Variants in GABRA3 observed in about 807,000 individuals in gnomAD.
GABRA3 encodes gamma-aminobutyric acid type A receptor subunit alpha3.
Under a neutral mutation model 30.1 loss-of-function variants are expected in GABRA3, and 10 were observed. The ratio of observed to expected loss-of-function variants is 0.33; its 90% CI spans 0.20 to 0.56. The LOEUF is 0.56. Among genes scored for constraint, GABRA3 ranks in the 20% least tolerant of loss-of-function variants. GABRA3 has a pLI of 0.89. For missense variants in GABRA3, 233 were observed against 392.0 expected (o/e 0.59, Z 3.42); for synonymous variants, 151 against 146.8 (o/e 1.03, Z -0.21).
Position 152,402,653 on chromosome X carries a change from T to G in GABRA3, c.-26-38057A>C, listed in dbSNP as rs138067002. 1.6e-3 allele frequency among the ~76,000 whole-genome samples: 181 copies of G among 111,414 alleles called. 4 individuals carry two copies. The East Asian group carries it at 0.043, about 26-fold the overall frequency. On this transcript the variant is annotated intron_variant, in intron 1 of 9. Coordinates refer to ENST00000370314, the MANE Select transcript of GABRA3 (RefSeq NM_000808.4). ...TCAGTTTTACTTCGAATCAGAAACC[T>G]TCAGGATAATAAAGATATACAACAG...
intron 3 of GABRA3, among the ~76,000 whole-genome samples, chrX:152,307,339 T>G (rs1455178368): frequency 1.8e-5 from 2 of 112,117 alleles, no homozygotes. Flanking sequence ...TCCATTATGG[T>G]AGAATTTTCC....
intron 1 of GABRA3, among the ~76,000 whole-genome samples, chrX:152,403,012 G>T (rs994026967): frequency 1.8e-5 from 2 of 111,589 alleles, no homozygotes; most frequent in Non-Finnish European, 1.9e-5. Context: ...AAATAGGATG[G>T]ACATTTTATA....
rs1939144546 is a variant in GABRA3, at chrX:152,278,955, T to C, written c.330+5713A>G. Among the ~76,000 whole-genome samples the C allele has an allele frequency of 7.2e-5, 8 of 111,466 alleles. No individual in the cohort carries two copies. The South Asian group carries it at 2.6e-3, about 37-fold the overall frequency. ...ATCCTTCGCCCACTTGTTGATGGGGTTGTTTGTTTTTTTCTTGTAAATTTG... is the reference window on the plus strand; with the variant it reads ...ATCCTTCGCCCACTTGTTGATGGGGCTGTTTGTTTTTTTCTTGTAAATTTG... On this transcript the variant is annotated intron_variant, in intron 4 of 9. Coordinates refer to ENST00000370314, the MANE Select transcript of GABRA3 (RefSeq NM_000808.4).
In GABRA3 at chrX:152,208,001, C is replaced by G. The variant is rs1391589124; in HGVS notation, c.778G>C (p.Gly260Arg). The G allele has an allele frequency of 8.3e-7, 1 of 1,205,173 alleles. No homozygotes were observed. Among genetic ancestry groups the G allele is most frequent in the African/African-American group, 1.8e-5 (1 of 57,043 alleles). Residue 260 changes from glycine (G) to arginine (R), a missense_variant and splice_region_variant, in exon 7 of 10, where the codon GGA (glycine) becomes CGA (arginine). Coordinates refer to ENST00000370314, the MANE Select transcript of GABRA3 (RefSeq NM_000808.4). Reference protein sequence around the residue: ...VGTEIIRSSTGEYVVMTTHFH... With the variant: ...VGTEIIRSSTREYVVMTTHFH... The stretch of plus-strand genomic sequence containing the variant: ...TTGTTAAATAAAATAAGTTAAATAC[C>G]TGTACTAGACCGGATTATCTCTGTC...
chrX:152,384,052 C>T (rs924976968), intron 1 of GABRA3, among the ~76,000 whole-genome samples: 5 of 107,040 alleles, frequency 4.7e-5, no homozygotes, highest in African/African-American at 1.7e-4. Context: ...AATACCCTTA[C>T]AAAAATCAGG....
At chrX:152,254,067 G>A (rs1938598690) in intron 5 of GABRA3, among the ~76,000 whole-genome samples, 1 of 111,380 alleles carries the variant, frequency 9.0e-6, no homozygotes, top group African/African-American at 3.3e-5. Context: ...ATTATATTGT[G>A]ATTATCTTAA....
chrX:152,289,962 G>A (rs1939373235), intron 3 of GABRA3, among the ~76,000 whole-genome samples: 1 of 111,886 alleles, frequency 8.9e-6, no homozygotes. Context: ...ATTGTGAATA[G>A]TGCCACAATA....
rs149177566 is a variant in GABRA3, at chrX:152,385,505, C to A, written c.-26-20909G>T. On this transcript the variant is annotated intron_variant, in intron 1 of 9. Coordinates refer to ENST00000370314, the MANE Select transcript of GABRA3 (RefSeq NM_000808.4). ...AACATTAAATTAACAAGCAAGAAGC[C>A]ACAAAGGTTGTGAAAATTTTCTCCC... Among the ~76,000 whole-genome samples, 739 of 111,865 alleles carry A rather than the reference C, an allele frequency of 6.6e-3. 11 individuals carry two copies. Among genetic ancestry groups the A allele is most frequent in the African/African-American group, 0.022 (691 of 30,832 alleles).
chrX:152,169,502 G>C (rs567477630), intron 9 of GABRA3, among the ~76,000 whole-genome samples: 1 of 112,012 alleles, frequency 8.9e-6, no homozygotes, highest in Admixed American at 9.5e-5. Context: ...TGTATACAGA[G>C]AGCCTCACTG....
At chrX:152,382,728 T>C (rs1268417986) in intron 1 of GABRA3, among the ~76,000 whole-genome samples, 1 of 111,662 alleles carries the variant, frequency 9.0e-6, no homozygotes, top group African/African-American at 3.3e-5. Flanking sequence ...ATTTCATTCT[T>C]TGGCATGTGT....
intron 5 of GABRA3, among the ~76,000 whole-genome samples, chrX:152,237,380 G>A (rs1197062933): frequency 5.6e-5 from 6 of 106,438 alleles, no homozygotes; most frequent in Admixed American, 2.1e-4. Flanking sequence ...CCAGTACCAT[G>A]CTGTTTTGGT....
chrX:152,307,117 C>A (rs1436274196), intron 3 of GABRA3, among the ~76,000 whole-genome samples: 1 of 111,308 alleles, frequency 9.0e-6, no homozygotes, highest in Non-Finnish European at 1.9e-5. Context: ...CCTGGGTCAA[C>A]TCCTTATTGG....
Position 152,283,857 on chromosome X carries a change from C to T in GABRA3, c.330+811G>A, listed in dbSNP as rs5970259. On this transcript the variant is annotated intron_variant, in intron 4 of 9. Coordinates refer to ENST00000370314, the MANE Select transcript of GABRA3 (RefSeq NM_000808.4). ...ATTTTCCCTGATACTAGGATTTTTG[C>T]TTGCAACACAAAGTCAGTCATTCAA... is the stretch of plus-strand genomic sequence containing the variant. Among the ~76,000 whole-genome samples, 1,105 of 112,181 alleles carry T rather than the reference C, an allele frequency of 9.9e-3. 14 individuals carry two copies. The highest frequency in any genetic ancestry group is 0.033 in the African/African-American group (1,031 of 30,922).
chrX:152,167,335 T>C lies in GABRA3; in HGVS notation c.*893A>G, dbSNP rs992873316. The C allele has an allele frequency of 8.9e-6, 1 of 112,225 alleles. No homozygotes were observed. Among genetic ancestry groups the C allele is most frequent in the African/African-American group, 3.2e-5 (1 of 30,859 alleles). 9.2% of individuals were successfully genotyped at this position (112,225 alleles called of 1,213,427 possible). On this transcript the variant is annotated 3_prime_UTR_variant, in exon 10 of 10. Transcript: ENST00000370314. ...TTGGCAGGGAGGTGACTTTTGTATC[T>C]CTCCCATATTTTAAAAAAATGTTTT...
intron 3 of GABRA3, among the ~76,000 whole-genome samples, chrX:152,296,945 C>T (rs909632154): frequency 1.4e-4 from 15 of 110,995 alleles, no homozygotes; most frequent in Non-Finnish European, 2.5e-4. Context: ...GTGATCCACC[C>T]GCCTTGGCCT....
At chrX:152,427,651 G>A (rs1053427509) in intron 1 of GABRA3, among the ~76,000 whole-genome samples, 8 of 111,604 alleles carry the variant, frequency 7.2e-5, no homozygotes, top group South Asian at 3.8e-4. Context: ...TTTAGATTGC[G>A]AACTCCAAAA....
rs1343097115 is a variant in GABRA3, at chrX:152,199,364, C to CA, written c.779-1580dup. Among the ~76,000 whole-genome samples, 383 of 86,145 alleles carry CA rather than the reference C, an allele frequency of 4.4e-3. 1 individual carries two copies. The highest frequency in any genetic ancestry group is 8.8e-3 in the South Asian group (16 of 1,816). 74.8% of individuals were successfully genotyped at this position (86,145 alleles called of 115,157 possible). A position where few individuals can be genotyped will look rare whatever the true frequency, so the allele number is the denominator to read the frequency against. ...CTGGGCAACAGGCGAGACTCTGTCT[C>CA]AAAAAAAAAAAAATAAAAAAAGCAA... On this transcript the variant is annotated intron_variant, in intron 7 of 9. Transcript: ENST00000370314.
intron 4 of GABRA3, among the ~76,000 whole-genome samples, chrX:152,272,235 T>G (rs1391283771): frequency 1.8e-5 from 2 of 112,277 alleles, no homozygotes; most frequent in Admixed American, 1.9e-4. Context: ...GGAGGGGGAC[T>G]GTACCCTGCA....
At chrX:152,372,978 A>T (rs969834099) in intron 1 of GABRA3, among the ~76,000 whole-genome samples, 1 of 111,446 alleles carries the variant, frequency 9.0e-6, no homozygotes, top group Non-Finnish European at 1.9e-5. Context: ...TGTGCACCAC[A>T]GTCCTTCTTA....
Sources: gnomAD v4.1 joint callset for allele counts (sites outside exome capture counted in the v4.1 genomes callset) on GRCh38, gnomAD v4.1.1 for gene constraint, MANE v1.5 for transcripts, NCBI Gene and HGNC (gene_info 2026-07-23, HGNC 2026-07-21) for gene names.